Variants in SYT16 observed in about 807,000 individuals in gnomAD.
The protein encoded by SYT16 is synaptotagmin 16, also known as synaptotagmin-16.
SYT16 carries 42 observed loss-of-function variants against 61.4 expected under a neutral mutation model. The ratio of observed to expected loss-of-function variants is 0.68; its 90% CI spans 0.53 to 0.89. The LOEUF (loss-of-function observed/expected upper bound fraction) is 0.89, where lower values mean the gene tolerates loss of function less well. Ranked by LOEUF, SYT16 falls within the 40% of genes least tolerant of loss-of-function variation. The probability of loss-of-function intolerance (pLI) is 0.00; values close to 1 mark genes in which losing one functional copy is unlikely to be tolerated. For missense variants in SYT16, 804 were observed against 807.3 expected, an observed-to-expected ratio of 1.00 and a Z score of 0.05; for synonymous variants, 314 against 302.3, an observed-to-expected ratio of 1.04 and a Z score of -0.40.
At chr14:61,819,281 G>C (rs763677190) in intron 1 of SYT16, among the ~76,000 whole-genome samples, 2 of 152,178 alleles carry the variant, frequency 1.3e-5, no homozygotes, top group East Asian at 1.9e-4. Context: ...TGAATGATAA[G>C]ATGGCTATTA....
At chr14:61,923,048 CAA>C (rs140168317) in intron 1 of SYT16, among the ~76,000 whole-genome samples, 25,946 of 95,140 alleles carry the variant, frequency 0.27, 2,577 homozygotes, top group East Asian at 0.44. Flanking sequence ...GACTCTGTCT[CAA>C]AAAAAAAAAA....
At position 62,032,771 on chromosome 14, in the gene SYT16, G is replaced by A. The variant is rs767684092; in HGVS notation, c.523+36229G>A. On this transcript the variant is annotated intron_variant, in intron 3 of 7. Coordinates refer to ENST00000683842, the MANE Select transcript of SYT16 (RefSeq NM_001367656.1). ...ATTAAAATGAACTTATTTAATTGGGGTGGAGGGAGGAGTGGTTGTTTCAGG... is the reference window on the plus strand; with the variant it reads ...ATTAAAATGAACTTATTTAATTGGGATGGAGGGAGGAGTGGTTGTTTCAGG... Among the ~76,000 whole-genome samples, 2 of 151,666 alleles carry A rather than the reference G, an allele frequency of 1.3e-5. 1 individual carries two copies. The highest frequency in any genetic ancestry group is 4.2e-4 in the South Asian group (2 of 4,814).
intron 1 of SYT16, among the ~76,000 whole-genome samples, chr14:61,889,367 G>T (rs1303785801): frequency 5.9e-5 from 9 of 152,156 alleles, no homozygotes; most frequent in Non-Finnish European, 1.5e-5. Flanking sequence ...TAAACTGACT[G>T]CTATAGTTTA....
chr14:62,100,133 A>G (rs1566849406), intron 7 of SYT16, among the ~76,000 whole-genome samples: 1 of 152,250 alleles, frequency 6.6e-6, no homozygotes, highest in Non-Finnish European at 1.5e-5. Context: ...CACCCTGTGC[A>G]TGTAGAAGTA....
chr14:61,941,578 T>C (rs556903817), intron 1 of SYT16, among the ~76,000 whole-genome samples: 5 of 152,314 alleles, frequency 3.3e-5, no homozygotes, highest in Non-Finnish European at 5.9e-5. Flanking sequence ...AGCCTTCTGC[T>C]CAATACCTCT....
intron 1 of SYT16, among the ~76,000 whole-genome samples, chr14:61,838,968 C>T (rs555805440): frequency 5.9e-5 from 9 of 151,338 alleles, no homozygotes; most frequent in Admixed American, 1.3e-4. Context: ...GTTTCCCCAC[C>T]GGCCCCCCAC....
rs2045558896 is a variant in SYT16, at chr14:61,819,815, G to C, written c.-325+7005G>C. Among the ~76,000 whole-genome samples, 5 of 152,196 alleles carry C rather than the reference G, an allele frequency of 3.3e-5. No homozygotes were observed. In the South Asian group the frequency reaches 1.0e-3, roughly 32 times the overall value. ...TGAACTCTGGTCCTGCCACTCAAAG[G>C]CTGGGTAAGAGGTAAATTGTTTAAC... On this transcript the variant is annotated intron_variant, in intron 1 of 7. Transcript: ENST00000683842.
intron 1 of SYT16, among the ~76,000 whole-genome samples, chr14:61,876,169 A>C (rs2047484593): frequency 6.6e-6 from 1 of 152,212 alleles, no homozygotes; most frequent in Non-Finnish European, 1.5e-5. Context: ...CAGGTTGATA[A>C]TGGAAAAATC....
chr14:62,069,894 A>C, intron 4 of SYT16, 79 bp downstream of exon 4: 3 of 1,455,122 alleles, frequency 2.1e-6, no homozygotes, highest in Non-Finnish European at 2.8e-6. Context: ...CACCCTCTGC[A>C]CTCTGCATCT....
intron 3 of SYT16, among the ~76,000 whole-genome samples, chr14:62,023,242 G>A (rs1278368209): frequency 2.0e-5 from 3 of 152,092 alleles, no homozygotes; most frequent in African/African-American, 7.2e-5. Context: ...GTTTGGGTAG[G>A]TTTATTGCAG....
At chr14:61,818,181 C>T (rs1416608369) in intron 1 of SYT16, among the ~76,000 whole-genome samples, 2 of 152,118 alleles carry the variant, frequency 1.3e-5, no homozygotes, top group Non-Finnish European at 2.9e-5. Context: ...TAGTGAACCC[C>T]CATGTATCCA....
intron 6 of SYT16, among the ~76,000 whole-genome samples, chr14:62,082,438 A>G (rs1187623675): frequency 2.0e-5 from 3 of 152,244 alleles, no homozygotes; most frequent in Non-Finnish European, 2.9e-5. Flanking sequence ...CTCAGAAGTC[A>G]TCTGTGACTT....
At chr14:62,069,027 C>T (rs2056184084) in intron 3 of SYT16, among the ~76,000 whole-genome samples, 1 of 152,172 alleles carries the variant, frequency 6.6e-6, no homozygotes, top group Admixed American at 6.5e-5. Context: ...AACTCCTGAC[C>T]TCAAGTGATC....
At chr14:61,991,845 AG>A (rs1456910365) in intron 2 of SYT16, among the ~76,000 whole-genome samples, 1 of 152,212 alleles carries the variant, frequency 6.6e-6, no homozygotes, top group East Asian at 1.9e-4. Context: ...AAGAGCAGAA[AG>A]GGTGTTAAAA....
intron 1 of SYT16, among the ~76,000 whole-genome samples, chr14:61,855,820 G>A (rs2046756344): frequency 6.6e-6 from 1 of 152,192 alleles, no homozygotes; most frequent in Admixed American, 6.5e-5. Context: ...CATGATTAGG[G>A]AGCAGAATCC....
chr14:61,909,652 A>C (rs190435835), intron 1 of SYT16, among the ~76,000 whole-genome samples: 1 of 152,158 alleles, frequency 6.6e-6, no homozygotes, highest in African/African-American at 2.4e-5. Flanking sequence ...AAGTAAGCTC[A>C]TAGTCACAGG....
intron 3 of SYT16, among the ~76,000 whole-genome samples, chr14:62,050,969 G>A (rs772674487): frequency 2.0e-5 from 3 of 152,220 alleles, no homozygotes; most frequent in Non-Finnish European, 4.4e-5. Flanking sequence ...CAAGCTGCGT[G>A]CTGGGAGAAC....
chr14:61,864,448 G>A (rs116661080), intron 1 of SYT16, among the ~76,000 whole-genome samples: 7,592 of 152,336 alleles, frequency 0.05, 431 homozygotes, highest in African/African-American at 0.14. Flanking sequence ...CTAGTCGTGG[G>A]CTGCGGTGGG....
Position 61,915,336 on chromosome 14 carries a change from C to T in SYT16, c.-324-54796C>T, listed in dbSNP as rs375383355. On this transcript the variant is annotated intron_variant, in intron 1 of 7. Transcript: ENST00000683842. Reference sequence around the variant, plus strand: ...TTTTTTTTAAAACAGCACACACATACATTTAATTCGTGTAATATGTAATAT... The same window carrying T: ...TTTTTTTTAAAACAGCACACACATATATTTAATTCGTGTAATATGTAATAT... Among the ~76,000 whole-genome samples the T allele has an allele frequency of 4.4e-4, 67 of 152,190 alleles. 1 individual carries two copies. Among genetic ancestry groups the T allele is most frequent in the African/African-American group, 1.5e-3 (62 of 41,536 alleles).
Sources: allele counts gnomAD v4.1 joint callset (sites outside exome capture counted in the v4.1 genomes callset), GRCh38; gene constraint gnomAD v4.1.1; transcripts MANE v1.5; gene names NCBI Gene and HGNC (gene_info 2026-07-23, HGNC 2026-07-21).